PSMD9: variants seen among roughly 807,000 people sequenced by gnomAD.
PSMD9 encodes the protein proteasome 26S subunit, non-ATPase 9, also known as 26S proteasome non-ATPase regulatory subunit 9.
A neutral mutation model predicts 25.9 loss-of-function variants in PSMD9; 26 were observed. The ratio of observed to expected loss-of-function variants is 1.00; its 90% CI spans 0.73 to 1.39. The LOEUF (loss-of-function observed/expected upper bound fraction) is 1.39, where lower values mean the gene tolerates loss of function less well. Among genes scored for constraint, PSMD9 ranks in the 40% most tolerant of loss-of-function variants. The probability of loss-of-function intolerance (pLI) is 0.00; values close to 1 mark genes in which losing one functional copy is unlikely to be tolerated. For synonymous variants in PSMD9, 110 were observed against 114.5 expected, an observed-to-expected ratio of 0.96 and a Z score of 0.25; for missense variants, 303 against 299.3, an observed-to-expected ratio of 1.01 and a Z score of -0.09.
chr12:121,890,213 G>C (rs369254871), intron 1 of PSMD9, among the ~76,000 whole-genome samples: 1 of 152,088 alleles, frequency 6.6e-6, no homozygotes, highest in African/African-American at 2.4e-5. Flanking sequence ...CACCGCGTCC[G>C]GCCATAAGAT....
chr12:121,889,071 C>T, intron 1 of PSMD9, 77 bp downstream of exon 1: 1 of 1,512,916 alleles, frequency 6.6e-7, no homozygotes, highest in Admixed American at 2.1e-5. Context: ...CCAGGGCGGC[C>T]TCAGTTTGGG....
At chr12:121,909,202 G>A (rs974029789) in intron 4 of PSMD9, among the ~76,000 whole-genome samples, 1 of 152,098 alleles carries the variant, frequency 6.6e-6, no homozygotes, top group Non-Finnish European at 1.5e-5. Context: ...GTGTGTCAAG[G>A]AGGCCTCCAG....
At chr12:121,906,736 C>T (rs1454447983) in intron 4 of PSMD9, among the ~76,000 whole-genome samples, 1 of 151,754 alleles carries the variant, frequency 6.6e-6, no homozygotes, top group East Asian at 1.9e-4. Flanking sequence ...ATCACTTGAA[C>T]CTCGGAGGCA....
chr12:121,904,045 G>A (rs1394245589), intron 4 of PSMD9, among the ~76,000 whole-genome samples: 3 of 151,964 alleles, frequency 2.0e-5, no homozygotes, highest in Admixed American at 6.6e-5. Flanking sequence ...TTAGCTGCAC[G>A]GTTCATCTAC....
intron 1 of PSMD9, among the ~76,000 whole-genome samples, chr12:121,891,296 TTTA>T (rs1565889298): frequency 3.6e-5 from 4 of 111,796 alleles, no homozygotes; most frequent in Non-Finnish European, 3.9e-5. Flanking sequence ...ATGCTGTCTC[TTTA>T]AAAAAAAAAA....
At chr12:121,915,767 G>T in intron 4 of PSMD9, 89 bp from the exon 5 acceptor site, 1 of 1,130,940 alleles carries the variant, frequency 8.8e-7, no homozygotes. Flanking sequence ...TTACCAATTT[G>T]ATAGGCAAAA....
chr12:121,892,658 G>A (rs1013959717), intron 1 of PSMD9, among the ~76,000 whole-genome samples: 7 of 151,896 alleles, frequency 4.6e-5, no homozygotes, highest in African/African-American at 1.2e-4. Flanking sequence ...CCAAGATCTC[G>A]CCACTGTACT....
chr12:121,913,989 TC>T (rs1330146008), intron 4 of PSMD9, among the ~76,000 whole-genome samples: 3 of 151,816 alleles, frequency 2.0e-5, no homozygotes, highest in Non-Finnish European at 4.4e-5. Context: ...AGCCTTGACC[TC>T]CCTTGAGCAA....
At chr12:121,903,814 G>T (rs1236934207) in intron 4 of PSMD9, among the ~76,000 whole-genome samples, 2 of 147,510 alleles carry the variant, frequency 1.4e-5, no homozygotes, top group South Asian at 2.1e-4. Context: ...GAGTGTGGTG[G>T]TGCTATCATA....
intron 3 of PSMD9, 132 bp downstream of exon 3, chr12:121,899,977 A>G: frequency 9.4e-7 from 1 of 1,062,826 alleles, no homozygotes; most frequent in Non-Finnish European, 1.4e-6. Flanking sequence ...TTTAACAAAC[A>G]CTGACTGAGG....
At chr12:121,912,868 CAA>C (rs35325016) in intron 4 of PSMD9, among the ~76,000 whole-genome samples, 20 of 85,790 alleles carry the variant, frequency 2.3e-4, no homozygotes, top group African/African-American at 4.2e-4. Context: ...AACCCTGTCT[CAA>C]AAAAAAAAAA....
chr12:121,915,995 G>A, intron 5 of PSMD9, 51 bp downstream of exon 5: 1 of 1,560,114 alleles, frequency 6.4e-7, no homozygotes, highest in Non-Finnish European at 8.8e-7. Flanking sequence ...TTGAGTGTTT[G>A]TTAAACATGA....
chr12:121,894,793 T>G lies in PSMD9; in HGVS notation c.193T>G (p.Ser65Ala). Residue 65 changes from serine (S) to alanine (A), a missense_variant, in exon 2 of 6, where the codon TCA (serine) becomes GCA (alanine). By Grantham distance (99) the Ser-to-Ala change is moderately conservative. Coordinates refer to ENST00000541212, the MANE Select transcript of PSMD9 (RefSeq NM_002813.7). ...GGTGGACTGTGAGGGCTACCCCCGG[T>G]CAGACGTGGACCTGTACCAAGTCCG... is the stretch of plus-strand genomic sequence containing the variant. ...PLVDCEGYPRSDVDLYQVRTA... is the reference protein window; with the variant it reads ...PLVDCEGYPRADVDLYQVRTA... The G allele has an allele frequency of 6.2e-7, 1 of 1,614,096 alleles. No homozygotes were observed. Among genetic ancestry groups the G allele is most frequent in the Non-Finnish European group, 8.5e-7 (1 of 1,180,014 alleles).
chr12:121,896,706 C>A (rs571765985), intron 2 of PSMD9, among the ~76,000 whole-genome samples: 102 of 151,504 alleles, frequency 6.7e-4, no homozygotes, highest in African/African-American at 2.4e-3. Flanking sequence ...CATGGTGGCA[C>A]GAACCTGTAA....
intron 1 of PSMD9, chr12:121,894,504 A>G (rs938701525): frequency 4.2e-6 from 2 of 473,578 alleles, no homozygotes; most frequent in Non-Finnish European, 7.7e-6. Context: ...TTTAACTTCA[A>G]AAAAGAATGG....
intron 4 of PSMD9, among the ~76,000 whole-genome samples, chr12:121,911,741 G>A (rs1174705532): frequency 1.4e-5 from 2 of 147,166 alleles, no homozygotes; most frequent in Admixed American, 6.9e-5. Context: ...TGCAACCTCC[G>A]CCTCCCAGGT....
intron 2 of PSMD9, chr12:121,898,340 G>A (rs958241237): frequency 6.6e-6 from 1 of 152,282 alleles, no homozygotes; most frequent in Non-Finnish European, 1.5e-5. Flanking sequence ...TTAGCTATCT[G>A]TACTGAAAAA....
intron 3 of PSMD9, among the ~76,000 whole-genome samples, chr12:121,901,666 C>A (rs7313612): frequency 1.1e-5 from 1 of 93,610 alleles, no homozygotes. Context: ...TTCATTCCTT[C>A]TTTTTTTTTT....
At chr12:121,911,652 A>G (rs1157350660) in intron 4 of PSMD9, among the ~76,000 whole-genome samples, 2 of 147,656 alleles carry the variant, frequency 1.4e-5, no homozygotes, top group Non-Finnish European at 3.0e-5. Flanking sequence ...TAACTTCAAT[A>G]TATGAACTTT....
Sources: allele counts gnomAD v4.1 joint callset (sites outside exome capture counted in the v4.1 genomes callset), GRCh38; gene constraint gnomAD v4.1.1; transcripts MANE v1.5; gene names NCBI Gene and HGNC (gene_info 2026-07-23, HGNC 2026-07-21).